The following EBF1 variants were observed in gnomAD, a reference collection of about 807,000 sequenced individuals.
EBF1 encodes the protein transcription factor COE1.
In EBF1, 10 loss-of-function variants were observed where a neutral mutation model predicts 68.4. The ratio of observed to expected loss-of-function variants is 0.15; its 90% CI spans 0.09 to 0.25. EBF1 has a LOEUF of 0.25. Among genes scored for constraint, EBF1 ranks in the 10% least tolerant of loss-of-function variants. The pLI, the probability that EBF1 is intolerant of heterozygous loss-of-function variation, is 1.00. For missense variants in EBF1, 509 were observed against 794.4 expected (o/e 0.64, Z 4.32); for synonymous variants, 298 against 299.8 (o/e 0.99, Z 0.06).
chr5:158,791,802 A>G (rs920411085), intron 9 of EBF1, among the ~76,000 whole-genome samples: 1 of 152,118 alleles, frequency 6.6e-6, no homozygotes, highest in African/African-American at 2.4e-5. Flanking sequence ...TTATATAAAT[A>G]TATTATGTAA....
chr5:158,905,368 G>A (rs1339855432), intron 6 of EBF1, among the ~76,000 whole-genome samples: 1 of 152,002 alleles, frequency 6.6e-6, no homozygotes, highest in Non-Finnish European at 1.5e-5. Flanking sequence ...GAAATTAAAG[G>A]GCCTTGCACT....
intron 5 of EBF1, among the ~76,000 whole-genome samples, chr5:159,080,582 C>T (rs537122098): frequency 5.9e-5 from 9 of 152,300 alleles, no homozygotes; most frequent in East Asian, 1.9e-4. Flanking sequence ...CAAACAACTG[C>T]GCACCAAGTA....
intron 8 of EBF1, among the ~76,000 whole-genome samples, chr5:158,817,461 C>T (rs1416060920): frequency 6.6e-6 from 1 of 152,124 alleles, no homozygotes; most frequent in African/African-American, 2.4e-5. Flanking sequence ...TCTCTTCACC[C>T]ACACTTGCTT....
chr5:158,844,201 T>TTC (rs1354941636), intron 6 of EBF1, among the ~76,000 whole-genome samples: 2 of 151,586 alleles, frequency 1.3e-5, no homozygotes, highest in African/African-American at 4.9e-5. Context: ...TTTTTTTTTT[T>TTC]TTTTTGAGGG....
At chr5:158,734,671 G>T (rs1393767225) in intron 10 of EBF1, among the ~76,000 whole-genome samples, 1 of 151,922 alleles carries the variant, frequency 6.6e-6, no homozygotes, top group African/African-American at 2.4e-5. Flanking sequence ...AGAAGAAATG[G>T]GACTAACCAA....
chr5:159,072,058 G>T (rs1777884034), intron 6 of EBF1, among the ~76,000 whole-genome samples: 1 of 152,186 alleles, frequency 6.6e-6, no homozygotes, highest in Non-Finnish European at 1.5e-5. Context: ...ATCTGCTTTT[G>T]TAGATAAACA....
chr5:158,900,870 A>G (rs1277088543), intron 6 of EBF1, among the ~76,000 whole-genome samples: 2 of 152,224 alleles, frequency 1.3e-5, no homozygotes, highest in African/African-American at 4.8e-5. Flanking sequence ...TAGACTTGAA[A>G]CGTGGTCTCT....
intron 10 of EBF1, among the ~76,000 whole-genome samples, chr5:158,735,651 G>T (rs1765019756): frequency 6.6e-6 from 1 of 152,096 alleles, no homozygotes; most frequent in African/African-American, 2.4e-5. Context: ...TATGCACCAG[G>T]ATGCCATTTG....
intron 6 of EBF1, among the ~76,000 whole-genome samples, chr5:158,840,810 T>A (rs1790182409): frequency 6.7e-6 from 1 of 149,940 alleles, no homozygotes; most frequent in South Asian, 2.1e-4. Context: ...TAGCTGGGAC[T>A]ACAGGCGCCC....
intron 11 of EBF1, among the ~76,000 whole-genome samples, chr5:158,728,149 C>T (rs1387177870): frequency 6.6e-6 from 1 of 152,176 alleles, no homozygotes; most frequent in Non-Finnish European, 1.5e-5. Context: ...CTCCATCCGC[C>T]ACTTCCTGAC....
intron 6 of EBF1, among the ~76,000 whole-genome samples, chr5:159,032,158 GAAC>G (rs1219628976): frequency 2.6e-5 from 4 of 151,978 alleles, no homozygotes; most frequent in African/African-American, 9.7e-5. Flanking sequence ...AATAACAATA[GAAC>G]AACTACCACT....
intron 7 of EBF1, among the ~76,000 whole-genome samples, chr5:158,824,692 T>C (rs994277444): frequency 6.6e-6 from 1 of 152,224 alleles, no homozygotes; most frequent in South Asian, 2.1e-4. Context: ...CTGAAGAGTC[T>C]TGTGTAACAC....
At chr5:159,051,268 C>T (rs1773602423) in intron 6 of EBF1, among the ~76,000 whole-genome samples, 1 of 151,874 alleles carries the variant, frequency 6.6e-6, no homozygotes, top group Non-Finnish European at 1.5e-5. Flanking sequence ...GAGGGCACAA[C>T]ATTTAGAGGT....
At chr5:158,937,795 G>T (rs1031699424) in intron 6 of EBF1, among the ~76,000 whole-genome samples, 2 of 152,156 alleles carry the variant, frequency 1.3e-5, no homozygotes, top group Non-Finnish European at 2.9e-5. Flanking sequence ...TCACGGGGCC[G>T]CACGGCTCCA....
chr5:158,700,035 T>C (rs778895169), intron 15 of EBF1, among the ~76,000 whole-genome samples: 23 of 152,194 alleles, frequency 1.5e-4, no homozygotes, highest in Admixed American at 5.9e-4. Context: ...CTTAGGGTTA[T>C]TGGAGAGGTG....
intron 6 of EBF1, among the ~76,000 whole-genome samples, chr5:159,002,035 G>C (rs975860337): frequency 3.9e-5 from 6 of 152,050 alleles, no homozygotes; most frequent in African/African-American, 1.2e-4. Context: ...ATTTTGTAAT[G>C]GTTGCAGGGT....
At chr5:158,882,818 C>T (rs1050905186) in intron 6 of EBF1, among the ~76,000 whole-genome samples, 1 of 152,220 alleles carries the variant, frequency 6.6e-6, no homozygotes, top group South Asian at 2.1e-4. Flanking sequence ...CACCATCGAG[C>T]ACCTCGCACT....
At chr5:159,059,280 C>T (rs1775356082) in intron 6 of EBF1, among the ~76,000 whole-genome samples, 2 of 151,804 alleles carry the variant, frequency 1.3e-5, no homozygotes, top group African/African-American at 4.8e-5. Context: ...GGAATTGGAC[C>T]TAATTCTGCC....
At chr5:158,701,104 C>A (rs1162533964) in intron 15 of EBF1, among the ~76,000 whole-genome samples, 1 of 152,182 alleles carries the variant, frequency 6.6e-6, no homozygotes, top group African/African-American at 2.4e-5. Context: ...TTCATCTGGG[C>A]TGGAGGTGGG....
Sources: gnomAD v4.1 joint callset for allele counts (sites outside exome capture counted in the v4.1 genomes callset) on GRCh38, gnomAD v4.1.1 for gene constraint, MANE v1.5 for transcripts, NCBI Gene and HGNC (gene_info 2026-07-23, HGNC 2026-07-21) for gene names.